Variants in GRIP1 observed in about 807,000 individuals in gnomAD.
The protein encoded by GRIP1 is glutamate receptor-interacting protein 1.
GRIP1 carries 45 observed loss-of-function variants against 129.9 expected under a neutral mutation model. The ratio of observed to expected loss-of-function variants is 0.35; its 90% confidence interval spans 0.27 to 0.44. The LOEUF is 0.44. Among genes scored for constraint, GRIP1 ranks in the 20% least tolerant of loss-of-function variants. GRIP1 has a pLI of 1.00. For missense variants in GRIP1, 1,196 were observed against 1,396.8 expected (o/e 0.86, Z 2.29); for synonymous variants, 530 against 520.8 (o/e 1.02, Z -0.24).
rs2054023840 is a variant in GRIP1, at chr12:66,347,564, G to A, written c.*1455C>T. The A allele has an allele frequency of 6.6e-6, 1 of 152,012 alleles. No individual in the cohort carries two copies. Among genetic ancestry groups the A allele is most frequent in the African/African-American group, 2.4e-5 (1 of 41,370 alleles). 9.4% of individuals were successfully genotyped at this position (152,012 alleles called of 1,614,324 possible). On this transcript the variant is annotated 3_prime_UTR_variant, in exon 25 of 25. Transcript: ENST00000359742. ...ACCATACATAGACGATAAATACCATGCTATTAAAGTATTAAATTTGTACAA... is the reference window on the plus strand; with the variant it reads ...ACCATACATAGACGATAAATACCATACTATTAAAGTATTAAATTTGTACAA...
At chr12:66,466,381 T>C (rs924598450) in intron 7 of GRIP1, among the ~76,000 whole-genome samples, 1 of 152,194 alleles carries the variant, frequency 6.6e-6, no homozygotes, top group African/African-American at 2.4e-5. Flanking sequence ...ATCAGAGGTA[T>C]GCCACTAATA....
intron 1 of GRIP1, among the ~76,000 whole-genome samples, chr12:66,611,060 T>A (rs2064773024): frequency 6.6e-6 from 1 of 152,170 alleles, no homozygotes; most frequent in Admixed American, 6.6e-5. Context: ...ATAGAATAAA[T>A]AACACATAAT....
intron 23 of GRIP1, among the ~76,000 whole-genome samples, chr12:66,354,986 T>C (rs775957975): frequency 1.7e-4 from 26 of 152,162 alleles, no homozygotes; most frequent in Non-Finnish European, 2.8e-4. Context: ...AAGGTAAGAA[T>C]GGTGGGGACG....
chr12:66,959,374 A>G (rs1219704787), intron 1 of GRIP1, among the ~76,000 whole-genome samples: 1 of 152,112 alleles, frequency 6.6e-6, no homozygotes, highest in Admixed American at 6.5e-5. Flanking sequence ...ACAGTTTTGC[A>G]TTATGTGAGC....
rs79438141 is a variant in GRIP1, at chr12:66,853,139, C to T, written c.58+215911G>A. 6.1e-4 allele frequency among the ~76,000 whole-genome samples: 92 copies of T among 151,416 alleles called. No individual in the cohort carries two copies. The East Asian group carries it at 0.013, about 22-fold the overall frequency. ...ACCAAACGTGAGGAGCTTTTTCTTCCGACTGTAATTCTCAAGCAGAAGAGG... is the reference window on the plus strand; with the variant it reads ...ACCAAACGTGAGGAGCTTTTTCTTCTGACTGTAATTCTCAAGCAGAAGAGG... On this transcript the variant is annotated intron_variant, in intron 1 of 1. Coordinates refer to the GRIP1 transcript ENST00000643019.
At chr12:66,752,672 T>C (rs1162134162) in intron 1 of GRIP1, among the ~76,000 whole-genome samples, 1 of 152,126 alleles carries the variant, frequency 6.6e-6, no homozygotes, top group South Asian at 2.1e-4. Context: ...AGACATTGCT[T>C]ACCTACACCT....
At chr12:66,422,616 G>A (rs1257362812) in intron 14 of GRIP1, among the ~76,000 whole-genome samples, 2 of 152,104 alleles carry the variant, frequency 1.3e-5, no homozygotes, top group East Asian at 3.9e-4. Flanking sequence ...GAAATGGTCT[G>A]TAAAACCAAA....
chr12:66,713,731 T>C (rs918136362), intron 1 of GRIP1, among the ~76,000 whole-genome samples: 1 of 152,008 alleles, frequency 6.6e-6, no homozygotes, highest in Non-Finnish European at 1.5e-5. Flanking sequence ...GTTTACTTTA[T>C]ACCTGTTTTT....
At chr12:66,641,025 T>C (rs1415837538) in intron 1 of GRIP1, among the ~76,000 whole-genome samples, 1 of 152,232 alleles carries the variant, frequency 6.6e-6, no homozygotes, top group Non-Finnish European at 1.5e-5. Context: ...TGCACAAATT[T>C]CTATGCTAGA....
intron 1 of GRIP1, among the ~76,000 whole-genome samples, chr12:66,908,243 C>T (rs1035129645): frequency 6.6e-6 from 1 of 152,024 alleles, no homozygotes; most frequent in Non-Finnish European, 1.5e-5. Flanking sequence ...GAGTGCAGAA[C>T]ACAGCTTTTT....
intron 1 of GRIP1, among the ~76,000 whole-genome samples, chr12:66,633,969 A>G (rs1221660519): frequency 1.3e-5 from 2 of 152,218 alleles, no homozygotes; most frequent in African/African-American, 4.8e-5. Flanking sequence ...CATATGATTC[A>G]TATCCTTTCC....
intron 1 of GRIP1, among the ~76,000 whole-genome samples, chr12:66,631,757 C>A (rs748154671): frequency 2.6e-5 from 4 of 152,186 alleles, no homozygotes; most frequent in Admixed American, 6.5e-5. Flanking sequence ...CCATGTGAGT[C>A]AGTTGATATA....
chr12:66,784,144 A>G (rs1270900460), intron 1 of GRIP1, among the ~76,000 whole-genome samples: 1 of 152,182 alleles, frequency 6.6e-6, no homozygotes, highest in Non-Finnish European at 1.5e-5. Context: ...TTGTAAGTAG[A>G]TAACTATGTT....
At chr12:66,906,004 G>T (rs2040925737) in intron 1 of GRIP1, among the ~76,000 whole-genome samples, 1 of 152,080 alleles carries the variant, frequency 6.6e-6, no homozygotes, top group Non-Finnish European at 1.5e-5. Flanking sequence ...ACAAAAAAAA[G>T]GATGTATTAA....
At chr12:66,934,417 A>G (rs1038183315) in intron 1 of GRIP1, among the ~76,000 whole-genome samples, 1 of 152,194 alleles carries the variant, frequency 6.6e-6, no homozygotes, top group Non-Finnish European at 1.5e-5. Context: ...TCCACAATAC[A>G]TGAGAAATAA....
At chr12:66,864,233 C>T (rs1314675805) in intron 1 of GRIP1, among the ~76,000 whole-genome samples, 2 of 152,042 alleles carry the variant, frequency 1.3e-5, no homozygotes, top group African/African-American at 4.8e-5. Flanking sequence ...CCTCAATATA[C>T]ACCATGATTT....
chr12:66,737,437 C>T (rs2036642297), intron 1 of GRIP1, among the ~76,000 whole-genome samples: 1 of 152,116 alleles, frequency 6.6e-6, no homozygotes, highest in Non-Finnish European at 1.5e-5. Context: ...GCGTGTGCCA[C>T]CATACCCAGA....
chr12:66,486,919 T>C (rs1401002518), intron 7 of GRIP1, among the ~76,000 whole-genome samples: 1 of 151,750 alleles, frequency 6.6e-6, no homozygotes, highest in African/African-American at 2.4e-5. Flanking sequence ...GCCTACCGAG[T>C]AGCTGGTACC....
intron 1 of GRIP1, among the ~76,000 whole-genome samples, chr12:66,839,535 ATAG>A (rs1448504364): frequency 1.3e-5 from 2 of 152,210 alleles, no homozygotes; most frequent in Non-Finnish European, 2.9e-5. Context: ...AAGACTCACA[ATAG>A]TATTAAGAAA....
Sources: gnomAD v4.1 joint callset for allele counts (sites outside exome capture counted in the v4.1 genomes callset) on GRCh38, gnomAD v4.1.1 for gene constraint, MANE v1.5 for transcripts, NCBI Gene and HGNC (gene_info 2026-07-23, HGNC 2026-07-21) for gene names.